The following CD38 variants were observed in gnomAD, a reference collection of about 807,000 sequenced individuals.
CD38 encodes ADP-ribosyl cyclase/cyclic ADP-ribose hydrolase 1.
CD38 carries 31 observed loss-of-function variants against 36.3 expected under a neutral mutation model. That is an observed-to-expected ratio of 0.85 (90% CI 0.64 to 1.15). The LOEUF is 1.15. Ranked by LOEUF, CD38 falls within the 50% of genes most tolerant of loss-of-function variation. The pLI is 0.00. For missense variants in CD38, 380 were observed against 371.9 expected, an observed-to-expected ratio of 1.02 and a Z score of -0.18; for synonymous variants, 131 against 135.2, an observed-to-expected ratio of 0.97 and a Z score of 0.22.
At chr4:15,832,264 C>T (rs181956484) in intron 3 of CD38, among the ~76,000 whole-genome samples, 2 of 152,228 alleles carry the variant, frequency 1.3e-5, no homozygotes, top group Admixed American at 1.3e-4. Context: ...CAGGATTGAT[C>T]TCTGATGTCT....
intron 1 of CD38, among the ~76,000 whole-genome samples, chr4:15,781,793 G>A (rs981582632): frequency 2.0e-5 from 3 of 152,214 alleles, no homozygotes; most frequent in Non-Finnish European, 4.4e-5. Context: ...CATGTTTTAA[G>A]GTTTTGTTAC....
At chr4:15,818,972 T>A (rs1380484495) in intron 2 of CD38, among the ~76,000 whole-genome samples, 2 of 152,056 alleles carry the variant, frequency 1.3e-5, no homozygotes, top group African/African-American at 4.8e-5. Context: ...TCTTAACACA[T>A]CTCCAACAAG....
intron 1 of CD38, among the ~76,000 whole-genome samples, chr4:15,791,068 G>C (rs1295416925): frequency 7.7e-5 from 10 of 129,630 alleles, no homozygotes; most frequent in Non-Finnish European, 1.5e-4. Context: ...CCCCCCGCCC[G>C]GCCAGCTGCC....
intron 3 of CD38, among the ~76,000 whole-genome samples, chr4:15,828,138 C>T (rs1723888513): frequency 6.6e-6 from 1 of 152,090 alleles, no homozygotes; most frequent in Admixed American, 6.6e-5. Context: ...CCTTAGCCTC[C>T]CAGGTAGCTG....
chr4:15,827,857 T>G (rs1156706411), intron 3 of CD38, among the ~76,000 whole-genome samples: 4 of 152,200 alleles, frequency 2.6e-5, no homozygotes. Flanking sequence ...CTTCTTATTT[T>G]ATAGATTATC....
chr4:15,808,572 A>G (rs1465816103), intron 1 of CD38, among the ~76,000 whole-genome samples: 1 of 152,228 alleles, frequency 6.6e-6, no homozygotes, highest in East Asian at 1.9e-4. Flanking sequence ...AGGTCACAAA[A>G]CCACTCTATA....
chr4:15,832,431 G>C (rs1723977439), intron 3 of CD38, among the ~76,000 whole-genome samples: 1 of 152,138 alleles, frequency 6.6e-6, no homozygotes, highest in African/African-American at 2.4e-5. Flanking sequence ...GAAGGACTCG[G>C]ATGTTGTGAT....
intron 1 of CD38, among the ~76,000 whole-genome samples, chr4:15,786,112 G>A (rs1408834993): frequency 6.6e-6 from 1 of 152,194 alleles, no homozygotes; most frequent in Non-Finnish European, 1.5e-5. Context: ...GCTCATAAAA[G>A]CACTGTGGAC....
chr4:15,821,869 G>T (rs1723743450), intron 2 of CD38, among the ~76,000 whole-genome samples: 1 of 150,854 alleles, frequency 6.6e-6, no homozygotes, highest in Non-Finnish European at 1.5e-5. Context: ...AAAACTGGCA[G>T]AGATTTAAAA....
intron 1 of CD38, among the ~76,000 whole-genome samples, chr4:15,795,690 C>A (rs1236880616): frequency 1.3e-5 from 2 of 152,206 alleles, no homozygotes; most frequent in African/African-American, 4.8e-5. Context: ...CTTACAGTTA[C>A]AATTAATTTT....
chr4:15,796,323 T>C (rs776945833), intron 1 of CD38, among the ~76,000 whole-genome samples: 1 of 152,170 alleles, frequency 6.6e-6, no homozygotes, highest in Non-Finnish European at 1.5e-5. Context: ...GAAAACTGTA[T>C]ACTTTGTGTT....
intron 1 of CD38, among the ~76,000 whole-genome samples, chr4:15,804,729 G>A (rs1250892623): frequency 6.6e-6 from 1 of 152,178 alleles, no homozygotes; most frequent in Non-Finnish European, 1.5e-5. Context: ...TGATCTCAGA[G>A]AAGTAGAGAG....
intron 5 of CD38, 71 bp from the exon 6 acceptor site, chr4:15,839,955 G>A: frequency 1.0e-6 from 1 of 997,912 alleles, no homozygotes; most frequent in Non-Finnish European, 1.6e-6. Flanking sequence ...TCTGCCTGCT[G>A]GTTGTTGAGG....
chr4:15,834,586 C>T (rs1362075919), intron 4 of CD38, among the ~76,000 whole-genome samples: 15 of 152,166 alleles, frequency 9.9e-5, no homozygotes, highest in Admixed American at 7.2e-4. Flanking sequence ...TCCTCTGATT[C>T]AGGTATTAGT....
chr4:15,830,213 T>G (rs764055897), intron 3 of CD38, among the ~76,000 whole-genome samples: 2 of 152,238 alleles, frequency 1.3e-5, no homozygotes, highest in Admixed American at 6.5e-5. Context: ...CCACCAACAG[T>G]GTACAAGGGT....
chr4:15,794,636 GA>G (rs1012771909), intron 1 of CD38, among the ~76,000 whole-genome samples: 7 of 152,060 alleles, frequency 4.6e-5, no homozygotes, highest in South Asian at 4.2e-4. Context: ...ACAAATTCAA[GA>G]AAAAAACAGA....
At chr4:15,781,881 G>A (rs1405271690) in intron 1 of CD38, among the ~76,000 whole-genome samples, 1 of 152,204 alleles carries the variant, frequency 6.6e-6, no homozygotes, top group Non-Finnish European at 1.5e-5. Flanking sequence ...CTAAAATTTA[G>A]TGACTTAAAA....
chr4:15,811,634 A>G (rs1723473142), intron 1 of CD38, among the ~76,000 whole-genome samples: 1 of 149,234 alleles, frequency 6.7e-6, no homozygotes, highest in African/African-American at 2.5e-5. Context: ...CTATATTTCT[A>G]TCATTGTTAC....
At position 15,787,669 on chromosome 4, in the gene CD38, C is replaced by T. The variant is rs182381141; in HGVS notation, c.233+9022C>T. The stretch of plus-strand genomic sequence containing the variant: ...CCTCTCCTGGTTGCCAGGACGTGTT[C>T]CTTGTGGTTTAATTGCCGGGTCTGC... On this transcript the variant is annotated intron_variant, in intron 1 of 7. Coordinates refer to ENST00000226279, the MANE Select transcript of CD38 (RefSeq NM_001775.4). Among the ~76,000 whole-genome samples, 430 of 152,282 alleles carry T rather than the reference C, an allele frequency of 2.8e-3. 1 individual carries two copies. Among genetic ancestry groups the T allele is most frequent in the South Asian group, 9.3e-3 (45 of 4,820 alleles).
Sources: allele counts gnomAD v4.1 joint callset (sites outside exome capture counted in the v4.1 genomes callset), GRCh38; gene constraint gnomAD v4.1.1; transcripts MANE v1.5; gene names NCBI Gene and HGNC (gene_info 2026-07-23, HGNC 2026-07-21).